The following RPS6KL1 variants were observed in gnomAD, a reference collection of about 807,000 sequenced individuals.
The protein encoded by RPS6KL1 is ribosomal protein S6 kinase-like 1.
RPS6KL1 carries 41 observed loss-of-function variants against 57.0 expected under a neutral mutation model. That is an observed-to-expected ratio of 0.72 (90% CI 0.56 to 0.93). RPS6KL1 has a LOEUF of 0.93. Among genes scored for constraint, RPS6KL1 ranks in the 40% least tolerant of loss-of-function variants. The probability of loss-of-function intolerance (pLI) is 0.00; values close to 1 mark genes in which losing one functional copy is unlikely to be tolerated. For synonymous variants in RPS6KL1, 287 were observed against 309.7 expected (o/e 0.93, Z 0.77); for missense variants, 697 against 727.7 (o/e 0.96, Z 0.49).
At chr14:74,912,877 C>T (rs1203088690) in intron 5 of RPS6KL1, among the ~76,000 whole-genome samples, 2 of 152,236 alleles carry the variant, frequency 1.3e-5, no homozygotes, top group Non-Finnish European at 1.5e-5. Flanking sequence ...TGGAGTTGGG[C>T]CCTTGACTCA....
chr14:74,919,492 A>T (rs1380236306), intron 4 of RPS6KL1, among the ~76,000 whole-genome samples: 1 of 152,152 alleles, frequency 6.6e-6, no homozygotes, highest in African/African-American at 2.4e-5. Flanking sequence ...GGTTCACAAG[A>T]GACAGAATCA....
chr14:74,920,573 CCCTCTCG>C (rs1198301675), intron 3 of RPS6KL1, among the ~76,000 whole-genome samples: 1 of 152,214 alleles, frequency 6.6e-6, no homozygotes, highest in Non-Finnish European at 1.5e-5. Context: ...GAGGGACCTC[CCCTCTCG>C]CCTCTAGGCC....
intron 5 of RPS6KL1, among the ~76,000 whole-genome samples, chr14:74,917,652 A>C (rs1392627034): frequency 1.6e-4 from 25 of 151,994 alleles, no homozygotes; most frequent in Admixed American, 1.6e-3. Flanking sequence ...GAGTGCCCCG[A>C]GTAAGGGTTG....
At chr14:74,907,375 C>A in intron 11 of RPS6KL1, 60 bp downstream of exon 11, 2 of 1,532,234 alleles carry the variant, frequency 1.3e-6, no homozygotes, top group Non-Finnish European at 8.8e-7. Flanking sequence ...CAGTTCTGTG[C>A]CCCTCCCAGC....
chr14:74,907,341 C>A, intron 11 of RPS6KL1, 94 bp downstream of exon 11: 1 of 1,499,102 alleles, frequency 6.7e-7, no homozygotes, highest in Non-Finnish European at 8.9e-7. Flanking sequence ...AGACACTGAG[C>A]ACGAAGCACA....
chr14:74,907,477 C>T lies in RPS6KL1; in HGVS notation c.1497G>A (p.Leu499=). 1 of 1,589,116 alleles carries T rather than the reference C, an allele frequency of 6.3e-7. No homozygotes were observed. ...CCGCTGGGCGACTGAGCCACTCGGG[C>T]AGCTGGAGCTGGGTGTGGGCCTGGA... ...SGIQAHTQLQ[L]PEWLSRPAAS... Residue 499 remains leucine (L), a synonymous_variant, in exon 11 of 12, where the codon CTG becomes CTA. Transcript: ENST00000557413.
rs1884684940 is a variant in RPS6KL1, at chr14:74,905,714, T to C, written c.*1300A>G. 1 of 151,604 alleles carries C rather than the reference T, an allele frequency of 6.6e-6. No individual in the cohort carries two copies. The highest frequency in any genetic ancestry group is 2.4e-5 in the African/African-American group (1 of 41,130). The allele number at this position is 151,604 out of a possible 1,614,324, so 9.4% of individuals were successfully genotyped here. A position where few individuals can be genotyped will look rare whatever the true frequency, so the allele number is the denominator to read the frequency against. On this transcript the variant is annotated 3_prime_UTR_variant, in exon 12 of 12. Transcript: ENST00000557413. ...GCAGGACGTGGACCACAGAGAGTCA[T>C]GTACAGGCTGCGCTTTCACTTGTCT...
In RPS6KL1 at chr14:74,909,694, G is replaced by A. The variant is rs56358343; in HGVS notation, c.1119C>T (p.Ala373=). The change falls in exon 8 of 12, where the codon GCC becomes GCT. Residue 373 remains alanine (A), a synonymous_variant. Transcript: ENST00000557413. ...AGGTGGCCCTGCCACAGCCCCGGCC[G>A]GCCCCATCTGCTGACAGGCAGCTCT... is the stretch of plus-strand genomic sequence containing the variant. ...MDQSCLSADG[A]GRGCGRATWS... is the part of the protein sequence containing the mutation. The A allele has an allele frequency of 3.5e-3, 5,621 of 1,609,090 alleles. 18 individuals carry two copies. Among genetic ancestry groups the A allele is most frequent in the Middle Eastern group, 0.027 (165 of 6,062 alleles).
intron 3 of RPS6KL1, 39 bp downstream of exon 3, chr14:74,921,238 T>TGCCCCCCCCCCCCCCCCCCCCC: frequency 1.8e-5 from 15 of 840,012 alleles, no homozygotes; most frequent in East Asian, 5.3e-5. Context: ...CACTGGCCCT[T>TGCCCCCCCCCCCCCCCCCCCCC]CCCCACCCAC....
intron 5 of RPS6KL1, among the ~76,000 whole-genome samples, chr14:74,916,785 T>C (rs1464737544): frequency 6.6e-6 from 1 of 152,150 alleles, no homozygotes; most frequent in Non-Finnish European, 1.5e-5. Flanking sequence ...CTAAACAAGT[T>C]TGGGGAATTC....
At position 74,920,043 on chromosome 14, in the gene RPS6KL1, C is replaced by T. The variant is rs969141027; in HGVS notation, c.266-74G>A. The T allele has an allele frequency of 2.9e-5, 45 of 1,573,278 alleles. No homozygotes were observed. In the African/African-American group the frequency reaches 5.8e-4, roughly 20 times the overall value. On this transcript the variant is annotated intron_variant, in intron 3 of 11. Transcript: ENST00000557413. ...CTGGAGTTCCAGCTCCCATTGCCTG[C>T]CCTCTACCCTCCCAAGGAGTGAGCT...
chr14:74,911,307 T>C lies in RPS6KL1; in HGVS notation c.605A>G (p.Lys202Arg), dbSNP rs542411958. The change falls in exon 7 of 12, where the codon AAG becomes AGG. Residue 202 changes from lysine to arginine, a missense_variant. By Grantham distance (26) the Lys-to-Arg change is conservative. Transcript: ENST00000557413. ...CTCGCTCACAAAGTACCTGAGCAGC[T>C]TCGTCATGTAGGGGACTCCGTGTGG... ...IIPHGVPYMT[K>R]LLRYFVSEDS... 6.2e-7 allele frequency: 1 copy of C among 1,612,476 alleles called. No homozygotes were observed. Among genetic ancestry groups the C allele is most frequent in the Non-Finnish European group, 8.5e-7 (1 of 1,179,978 alleles).
Position 74,922,404 on chromosome 14 carries a change from G to A in RPS6KL1, c.-447C>T. ...TGCCCCTGCTGTGTTTTGTTCCCTT[G>A]GTCCTGAGGTCAGTGTGGTCAGCGA... On this transcript the variant is annotated 5_prime_UTR_variant, in exon 2 of 12. Transcript: ENST00000557413. The A allele has an allele frequency of 2.1e-6, 2 of 957,316 alleles. No homozygotes were observed. Among genetic ancestry groups the A allele is most frequent in the Non-Finnish European group, 2.5e-6 (2 of 803,942 alleles). The allele number at this position is 957,316 out of a possible 1,614,324, so 59.3% of individuals were successfully genotyped here.
At chr14:74,917,424 C>T (rs1887033662) in intron 5 of RPS6KL1, among the ~76,000 whole-genome samples, 1 of 152,280 alleles carries the variant, frequency 6.6e-6, no homozygotes, top group African/African-American at 2.4e-5. Flanking sequence ...GTCTCCTTTT[C>T]TCTGTGGGCC....
intron 4 of RPS6KL1, among the ~76,000 whole-genome samples, chr14:74,919,570 T>C (rs74419024): frequency 0.02 from 3,096 of 152,302 alleles, 103 homozygotes; most frequent in African/African-American, 0.07. Context: ...CAGATGTCTA[T>C]GTGCACACAT....
Position 74,919,887 on chromosome 14 carries a change from G to A in RPS6KL1, c.348C>T (p.Cys116=). 6.2e-7 allele frequency: 1 copy of A among 1,613,898 alleles called. No individual in the cohort carries two copies. The highest frequency in any genetic ancestry group is 1.1e-5 in the South Asian group (1 of 91,080). The change falls in exon 4 of 12, where the codon TGC becomes TGT. Residue 116 remains cysteine (C), a synonymous_variant. Transcript: ENST00000557413. The part of the protein sequence containing the change: ...YLRRAEEIFN[C]HLQRPLSSGA... ...CACTGCTCAGCGGCCGCTGCAGGTG[G>A]CAGTTGAAGATCTCCTCTGCCCGCC... is the stretch of plus-strand genomic sequence containing the variant.
intron 8 of RPS6KL1, 133 bp from the exon 9 acceptor site, chr14:74,909,323 A>T (rs1594908488): frequency 1.9e-6 from 2 of 1,027,438 alleles, no homozygotes; most frequent in East Asian, 5.2e-5. Context: ...CGGCAGGGGC[A>T]CAGCACCCTC....
At chr14:74,920,014 A>G (rs1390074183) in intron 3 of RPS6KL1, 45 bp from the exon 4 acceptor site, 1 of 1,612,812 alleles carries the variant, frequency 6.2e-7, no homozygotes, top group Admixed American at 1.7e-5. Context: ...ATGGCCTCGG[A>G]GGGCTGGAGT....
intron 9 of RPS6KL1, 37 bp downstream of exon 9, chr14:74,909,064 A>C (rs1885420332): frequency 6.2e-7 from 1 of 1,602,786 alleles, no homozygotes; most frequent in African/African-American, 1.3e-5. Flanking sequence ...AAAGGCACCC[A>C]GGTGCTAAGG....
Sources: allele counts gnomAD v4.1 joint callset (sites outside exome capture counted in the v4.1 genomes callset), GRCh38; gene constraint gnomAD v4.1.1; transcripts MANE v1.5; gene names NCBI Gene and HGNC (gene_info 2026-07-23, HGNC 2026-07-21).